The following CDH4 variants were observed in gnomAD, a reference collection of about 807,000 sequenced individuals.
CDH4 encodes the protein cadherin-4.
Under a neutral mutation model 86.0 loss-of-function variants are expected in CDH4, and 33 were observed. The ratio of observed to expected loss-of-function variants is 0.38; its 90% CI spans 0.29 to 0.51. CDH4 has a LOEUF of 0.51. Ranked by LOEUF, CDH4 falls within the 20% of genes least tolerant of loss-of-function variation. The pLI is 0.86. For synonymous variants in CDH4, 555 were observed against 549.4 expected (o/e 1.01, Z -0.14); for missense variants, 1,114 against 1,307.4 (o/e 0.85, Z 2.28).
At chr20:61,782,309 AAAAAAT>A (rs1375561889) in intron 4 of CDH4, among the ~76,000 whole-genome samples, 2 of 152,256 alleles carry the variant, frequency 1.3e-5, no homozygotes, top group East Asian at 1.9e-4. Context: ...ACTCTGCCTC[AAAAAAT>A]AAAAATAAAA....
chr20:61,273,419 ATG>A (rs1452648118), intron 2 of CDH4, among the ~76,000 whole-genome samples: 154 of 76,488 alleles, frequency 2.0e-3, no homozygotes, highest in Middle Eastern at 0.016. Flanking sequence ...GGGGAGTACC[ATG>A]TGCAGTTTGG....
chr20:61,711,695 G>A (rs2087895120), intron 2 of CDH4, among the ~76,000 whole-genome samples: 1 of 152,228 alleles, frequency 6.6e-6, no homozygotes, highest in Non-Finnish European at 1.5e-5. Flanking sequence ...TCTGGGATTA[G>A]GATTTGGACA....
intron 2 of CDH4, among the ~76,000 whole-genome samples, chr20:61,277,617 A>G (rs1016654772): frequency 6.6e-6 from 1 of 152,220 alleles, no homozygotes; most frequent in Non-Finnish European, 1.5e-5. Context: ...TGGGCATAAA[A>G]TGAAAAAGCC....
At chr20:61,334,603 A>G (rs13038851) in intron 2 of CDH4, among the ~76,000 whole-genome samples, 19,450 of 152,184 alleles carry the variant, frequency 0.13, 1,634 homozygotes, top group East Asian at 0.32. Flanking sequence ...GCCTCTGATA[A>G]GTGCACTAAT....
intron 2 of CDH4, among the ~76,000 whole-genome samples, chr20:61,555,496 C>A (rs1408338968): frequency 6.6e-6 from 1 of 152,210 alleles, no homozygotes; most frequent in Non-Finnish European, 1.5e-5. Context: ...GCCTCCCTCA[C>A]TCTCCAGCCC....
At chr20:61,868,668 TC>T (rs1487239134) in intron 6 of CDH4, among the ~76,000 whole-genome samples, 1 of 136,710 alleles carries the variant, frequency 7.3e-6, no homozygotes, top group Non-Finnish European at 1.6e-5. Flanking sequence ...TGGGCGGATG[TC>T]CCCTCCACAC....
rs143940166 is a variant in CDH4, at chr20:61,664,202, G to T, written c.170-79361G>T. ...CACTTGCCTCTAGAATCCACCCACTGGGAGAGCAAGTCCAAGGCAGACCCT... is the reference window on the plus strand; with the variant it reads ...CACTTGCCTCTAGAATCCACCCACTTGGAGAGCAAGTCCAAGGCAGACCCT... On this transcript the variant is annotated intron_variant, in intron 2 of 15. Coordinates refer to ENST00000614565, the MANE Select transcript of CDH4 (RefSeq NM_001794.5). Among the ~76,000 whole-genome samples, 551 of 152,332 alleles carry T rather than the reference G, an allele frequency of 3.6e-3. 5 individuals carry two copies. The highest frequency in any genetic ancestry group is 0.017 in the Middle Eastern group (5 of 292).
chr20:61,931,248 GGGCTCCA>G (rs1157548540), intron 13 of CDH4, among the ~76,000 whole-genome samples: 1 of 152,236 alleles, frequency 6.6e-6, no homozygotes, highest in African/African-American at 2.4e-5. Flanking sequence ...GACTAGGCCC[GGGCTCCA>G]GGCTCCAGGT....
At chr20:61,756,116 A>G (rs559369633) in intron 3 of CDH4, among the ~76,000 whole-genome samples, 5 of 152,322 alleles carry the variant, frequency 3.3e-5, no homozygotes, top group African/African-American at 1.2e-4. Context: ...TGAATCACAG[A>G]CAGCCTAAGA....
intron 2 of CDH4, among the ~76,000 whole-genome samples, chr20:61,355,832 C>T (rs914439726): frequency 6.6e-6 from 1 of 152,194 alleles, no homozygotes; most frequent in Admixed American, 6.5e-5. Flanking sequence ...GCCTGAGAAG[C>T]CTTTCAGGCC....
At chr20:61,657,024 A>T (rs141384830) in intron 2 of CDH4, among the ~76,000 whole-genome samples, 1 of 152,338 alleles carries the variant, frequency 6.6e-6, no homozygotes, top group Non-Finnish European at 1.5e-5. Context: ...GTCTTAGAGC[A>T]TCTGCAGAGT....
intron 2 of CDH4, chr20:61,437,568 C>G (rs548553746): frequency 6.6e-6 from 1 of 152,172 alleles, no homozygotes; most frequent in African/African-American, 2.4e-5. Context: ...CAGCACACAC[C>G]GCCCTCTCAG....
chr20:61,570,617 T>G (rs2086334700), intron 2 of CDH4: 1 of 701,734 alleles, frequency 1.4e-6, no homozygotes, highest in Non-Finnish European at 2.6e-6. Flanking sequence ...CTGGTGTGTT[T>G]GGGAATGGGA....
At position 61,836,035 on chromosome 20, in the gene CDH4, C is replaced by G. The variant is rs542193477; in HGVS notation, c.577-8633C>G. Among the ~76,000 whole-genome samples the G allele has an allele frequency of 2.2e-4, 34 of 152,328 alleles. No individual in the cohort carries two copies. In the South Asian group the frequency reaches 7.0e-3, roughly 32 times the overall value. Reference sequence around the variant, plus strand: ...GTGATCCCAGGGCTCTGGGTCTTGACCGGGCTCTGGCATTGCAAGGAAGGG... The same window carrying G: ...GTGATCCCAGGGCTCTGGGTCTTGAGCGGGCTCTGGCATTGCAAGGAAGGG... On this transcript the variant is annotated intron_variant, in intron 4 of 15. Coordinates refer to ENST00000614565, the MANE Select transcript of CDH4 (RefSeq NM_001794.5).
intron 2 of CDH4, among the ~76,000 whole-genome samples, chr20:61,622,378 A>G (rs904205212): frequency 5.3e-5 from 8 of 152,192 alleles, no homozygotes; most frequent in African/African-American, 1.9e-4. Context: ...GAGAGTTAAG[A>G]GGTGTCAGTC....
At chr20:61,753,532 G>A (rs917004384) in intron 3 of CDH4, among the ~76,000 whole-genome samples, 1 of 152,120 alleles carries the variant, frequency 6.6e-6, no homozygotes, top group Admixed American at 6.5e-5. Flanking sequence ...ATGCAAATGA[G>A]GTCACATATT....
At chr20:61,324,504 G>A (rs903201737) in intron 2 of CDH4, among the ~76,000 whole-genome samples, 3 of 152,138 alleles carry the variant, frequency 2.0e-5, no homozygotes, top group Non-Finnish European at 4.4e-5. Context: ...GGGCTCAGAT[G>A]CTCCAGTATC....
chr20:61,507,448 C>T (rs149967046), intron 2 of CDH4, among the ~76,000 whole-genome samples: 1 of 152,260 alleles, frequency 6.6e-6, no homozygotes, highest in East Asian at 1.9e-4. Context: ...GCCAGCAGCA[C>T]GTGACCGGGC....
intron 6 of CDH4, among the ~76,000 whole-genome samples, chr20:61,868,467 C>T (rs1477299122): frequency 6.6e-6 from 1 of 152,140 alleles, no homozygotes; most frequent in East Asian, 1.9e-4. Flanking sequence ...GGGACCCGGA[C>T]AGCTCCACAG....
Sources: gnomAD v4.1 joint callset for allele counts (sites outside exome capture counted in the v4.1 genomes callset) on GRCh38, gnomAD v4.1.1 for gene constraint, MANE v1.5 for transcripts, NCBI Gene and HGNC (gene_info 2026-07-23, HGNC 2026-07-21) for gene names.